HLCS: variants seen among roughly 807,000 people sequenced by gnomAD.
HLCS encodes the protein holocarboxylase synthetase, also known as biotin--protein ligase.
A neutral mutation model predicts 75.0 loss-of-function variants in HLCS; 53 were observed. That is an observed-to-expected ratio of 0.71 (90% CI 0.57 to 0.89). The LOEUF is 0.89. Among genes scored for constraint, HLCS ranks in the 40% least tolerant of loss-of-function variants. The probability of loss-of-function intolerance (pLI) is 0.00; values close to 1 mark genes in which losing one functional copy is unlikely to be tolerated. For synonymous variants in HLCS, 431 were observed against 428.6 expected, an observed-to-expected ratio of 1.01 and a Z score of -0.07; for missense variants, 966 against 1,074.0, an observed-to-expected ratio of 0.90 and a Z score of 1.41.
intron 6 of HLCS, among the ~76,000 whole-genome samples, chr21:36,796,142 T>C (rs759232445): frequency 6.6e-6 from 1 of 152,148 alleles, no homozygotes; most frequent in Admixed American, 6.5e-5. Flanking sequence ...TTCAACCAGA[T>C]AGTGGACAAG....
chr21:36,855,317 G>A (rs543908912), intron 6 of HLCS, among the ~76,000 whole-genome samples: 1 of 151,888 alleles, frequency 6.6e-6, no homozygotes, highest in East Asian at 1.9e-4. Context: ...GATTGCCTGA[G>A]GTCAGGAGTT....
chr21:36,780,545 C>T (rs2060496705), intron 6 of HLCS, among the ~76,000 whole-genome samples: 1 of 152,136 alleles, frequency 6.6e-6, no homozygotes, highest in African/African-American at 2.4e-5. Flanking sequence ...GCTGAGCAGA[C>T]TCCATTCTGT....
At chr21:36,855,900 G>C (rs796492566) in intron 6 of HLCS, among the ~76,000 whole-genome samples, 9 of 152,278 alleles carry the variant, frequency 5.9e-5, no homozygotes, top group African/African-American at 2.2e-4. Context: ...TATAAAAAGA[G>C]ATATGGACAT....
rs190918250 is a variant in HLCS at position 36,830,316 on chromosome 21, C to G, written c.1893-63031G>C. ...TGTGGTACTTTGTCCCAGCAGCCCT[C>G]GCAAGATAACACACAGAGTAACATC... is the stretch of plus-strand genomic sequence containing the variant. On this transcript the variant is annotated intron_variant, in intron 6 of 10. Coordinates refer to ENST00000674895, the MANE Select transcript of HLCS (RefSeq NM_001352514.2). 2.5e-3 allele frequency among the ~76,000 whole-genome samples: 384 copies of G among 152,284 alleles called. 10 individuals are homozygous for G. Among genetic ancestry groups the G allele is most frequent in the Admixed American group, 0.024 (365 of 15,288 alleles).
chr21:36,955,413 C>T (rs527266940), intron 2 of HLCS, among the ~76,000 whole-genome samples: 1 of 151,522 alleles, frequency 6.6e-6, no homozygotes, highest in South Asian at 2.1e-4. Context: ...GGAAACATAG[C>T]AATTTGTATG....
chr21:36,779,981 G>A (rs749199465), intron 6 of HLCS, among the ~76,000 whole-genome samples: 1 of 151,996 alleles, frequency 6.6e-6, no homozygotes, highest in African/African-American at 2.4e-5. Context: ...TTCATTTCTG[G>A]TTTATTCTTC....
In HLCS at chr21:36,897,129, T is replaced by A. The variant is rs1394230578; in HGVS notation, c.1623A>T (p.Glu541Asp). Residue 541 changes from glutamate to aspartate, a missense_variant and splice_region_variant, in exon 6 of 11, where the codon GAA becomes GAT. Coordinates refer to ENST00000674895, the MANE Select transcript of HLCS (RefSeq NM_001352514.2). ...GCCACTGCATAAGAGGATCCCTGAT[T>A]TCCTGTGTCATAAAGAAAGAAATGA... ...TPLYLLSAAE[E>D]IRDPLMQWLG... is the part of the protein sequence containing the mutation. The A allele has an allele frequency of 6.2e-7, 1 of 1,614,000 alleles. No individual in the cohort carries two copies. Among genetic ancestry groups the A allele is most frequent in the Non-Finnish European group, 8.5e-7 (1 of 1,180,022 alleles).
At chr21:36,772,175 A>G (rs2060227520) in intron 6 of HLCS, among the ~76,000 whole-genome samples, 1 of 152,132 alleles carries the variant, frequency 6.6e-6, no homozygotes, top group Admixed American at 6.5e-5. Flanking sequence ...TTTAGAAAAC[A>G]CAGATATATT....
chr21:36,894,321 C>G (rs946379324), intron 6 of HLCS, among the ~76,000 whole-genome samples: 2 of 152,162 alleles, frequency 1.3e-5, no homozygotes, highest in Non-Finnish European at 2.9e-5. Context: ...AATGCGAGAA[C>G]GAACTGATAC....
intron 6 of HLCS, among the ~76,000 whole-genome samples, chr21:36,886,350 G>A (rs1442262785): frequency 6.6e-6 from 1 of 150,380 alleles, no homozygotes; most frequent in Non-Finnish European, 1.5e-5. Context: ...GAAGAATGGC[G>A]TGAACCCGGA....
chr21:36,952,568 C>G (rs927771633), intron 2 of HLCS, among the ~76,000 whole-genome samples: 2 of 152,034 alleles, frequency 1.3e-5, no homozygotes, highest in African/African-American at 4.8e-5. Context: ...CCAAGGCGGG[C>G]AGATCATGAG....
chr21:36,770,414 T>C (rs2060169323), intron 6 of HLCS, among the ~76,000 whole-genome samples: 1 of 152,154 alleles, frequency 6.6e-6, no homozygotes, highest in African/African-American at 2.4e-5. Context: ...CCCAAAGTGC[T>C]GGGATTACAG....
At chr21:36,966,884 G>C (rs1327546990), upstream of HLCS, among the ~76,000 whole-genome samples, 4 of 151,262 alleles carry the variant, frequency 2.6e-5, no homozygotes, top group Admixed American at 6.6e-5. Context: ...CCCAGGGCTG[G>C]TGGCGGCGGC....
At chr21:36,803,698 C>G (rs188831356) in intron 6 of HLCS, among the ~76,000 whole-genome samples, 32 of 150,304 alleles carry the variant, frequency 2.1e-4, no homozygotes, top group Admixed American at 2.0e-3. Context: ...AAAAAAAACT[C>G]ATAAGGTGAA....
At chr21:36,855,487 G>A (rs964224164) in intron 6 of HLCS, among the ~76,000 whole-genome samples, 2 of 138,980 alleles carry the variant, frequency 1.4e-5, no homozygotes, top group African/African-American at 2.8e-5. Context: ...GCAGTGAGCC[G>A]AGATCACACC....
chr21:36,985,105 C>A (rs2069202702), intron 1 of HLCS, among the ~76,000 whole-genome samples: 1 of 152,196 alleles, frequency 6.6e-6, no homozygotes, highest in Non-Finnish European at 1.5e-5. Context: ...CATAACCACA[C>A]TGCAATGATC....
chr21:36,791,050 C>G (rs2060845724), intron 6 of HLCS, among the ~76,000 whole-genome samples: 1 of 152,124 alleles, frequency 6.6e-6, no homozygotes, highest in African/African-American at 2.4e-5. Flanking sequence ...TTAAAGTTGG[C>G]TAAATATGCC....
At chr21:36,882,187 C>G (rs544724541) in intron 6 of HLCS, among the ~76,000 whole-genome samples, 95 of 152,052 alleles carry the variant, frequency 6.2e-4, no homozygotes, top group Middle Eastern at 3.4e-3. Context: ...GAGGCTGAGG[C>G]AGGAGAATGG....
intron 6 of HLCS, among the ~76,000 whole-genome samples, chr21:36,893,912 C>A (rs2064899768): frequency 6.6e-6 from 1 of 152,164 alleles, no homozygotes; most frequent in South Asian, 2.1e-4. Flanking sequence ...GTACACATAA[C>A]CTATTATTAC....
Sources: gnomAD v4.1 joint callset for allele counts (sites outside exome capture counted in the v4.1 genomes callset) on GRCh38, gnomAD v4.1.1 for gene constraint, MANE v1.5 for transcripts, NCBI Gene and HGNC (gene_info 2026-07-23, HGNC 2026-07-21) for gene names.